The following CTNNB1 variants were observed in gnomAD, a reference collection of about 807,000 sequenced individuals.
CTNNB1 encodes catenin beta 1, also known as catenin beta-1.
In CTNNB1, 6 loss-of-function variants were observed where a neutral mutation model predicts 82.5. That is an observed-to-expected ratio of 0.07 (90% CI 0.04 to 0.14). The LOEUF is 0.14. Ranked by LOEUF, CTNNB1 falls within the 10% of genes least tolerant of loss-of-function variation. The pLI, the probability that CTNNB1 is intolerant of heterozygous loss-of-function variation, is 1.00. For missense variants in CTNNB1, 529 were observed against 980.4 expected (o/e 0.54, Z 6.15); for synonymous variants, 312 against 329.7 (o/e 0.95, Z 0.58).
At chr3:41,230,194 A>G (rs562320809) in intron 7 of CTNNB1, among the ~76,000 whole-genome samples, 1 of 152,334 alleles carries the variant, frequency 6.6e-6, no homozygotes, top group African/African-American at 2.4e-5. Flanking sequence ...GGGATAGACA[A>G]ATGTGGCTGA....
chr3:41,224,484 C>A (rs2125616401), intron 2 of CTNNB1, 42 bp from the exon 3 acceptor site: 1 of 1,528,780 alleles, frequency 6.5e-7, no homozygotes, highest in Non-Finnish European at 9.0e-7. Flanking sequence ...ATTAAAGTAA[C>A]ATTTCCAATC....
At chr3:41,218,438 C>T (rs1433591795) in intron 1 of CTNNB1, among the ~76,000 whole-genome samples, 1 of 152,156 alleles carries the variant, frequency 6.6e-6, no homozygotes, top group African/African-American at 2.4e-5. Flanking sequence ...TTCCCATTTA[C>T]TCTCGTATGT....
In CTNNB1 at chr3:41,225,331, C is replaced by T. The variant is rs1131691585; in HGVS notation, c.496-3C>T. ...ACGATGTTTCTGAATTCCTGTATTA[C>T]AGGTGGTGGTTAATAAGGCTGCAGT... On this transcript the variant is annotated splice_polypyrimidine_tract_variant and splice_region_variant and intron_variant, in intron 4 of 14. Transcript: ENST00000349496. This position sits in a 1 kb window ranked among gnomAD's most constrained non-coding sequence, Gnocchi z 5.3. 3.1e-6 allele frequency: 5 copies of T among 1,614,012 alleles called. No individual in the cohort carries two copies. The highest frequency in any genetic ancestry group is 4.2e-6 in the Non-Finnish European group (5 of 1,179,950).
At chr3:41,209,292 T>C (rs556892858) in intron 1 of CTNNB1, among the ~76,000 whole-genome samples, 66 of 152,330 alleles carry the variant, frequency 4.3e-4, no homozygotes, top group African/African-American at 1.5e-3. Flanking sequence ...GATTTCCAAA[T>C]TGGTATCCTT....
At chr3:41,238,196 T>C in intron 14 of CTNNB1, 120 bp downstream of exon 14, 1 of 852,598 alleles carries the variant, frequency 1.2e-6, no homozygotes, top group Admixed American at 1.8e-5. Flanking sequence ...TGGCTTCAAT[T>C]AAAAGCAGTT....
At position 41,233,402 on chromosome 3, in the gene CTNNB1, T is replaced by C. The variant is rs756193831; in HGVS notation, c.1143T>C (p.Cys381=). ...TDPSQRLVQN[C]LWTLRNLSDA... Reference sequence around the variant, plus strand: ...CAAGTCAACGTCTTGTTCAGAACTGTCTTTGGACTCTCAGGAATCTTTCAG... The same window carrying C: ...CAAGTCAACGTCTTGTTCAGAACTGCCTTTGGACTCTCAGGAATCTTTCAG... Residue 381 remains cysteine, a synonymous_variant, in exon 8 of 15, where the codon TGT becomes TGC. Transcript: ENST00000349496. 12 of 1,614,094 alleles carry C rather than the reference T, an allele frequency of 7.4e-6. 1 individual carries two copies. In the South Asian group the frequency reaches 1.3e-4, roughly 18 times the overall value.
chr3:41,217,048 T>C (rs769682288), intron 1 of CTNNB1, among the ~76,000 whole-genome samples: 7 of 152,236 alleles, frequency 4.6e-5, no homozygotes, highest in Admixed American at 1.3e-4. Flanking sequence ...CAGTACACTT[T>C]GGATTTTATT....
chr3:41,231,389 A>T (rs1460640751), intron 7 of CTNNB1, among the ~76,000 whole-genome samples: 3 of 152,262 alleles, frequency 2.0e-5, no homozygotes, highest in African/African-American at 7.2e-5. Context: ...GTCTGCATAA[A>T]CAGAACTTAG....
At chr3:41,235,467 A>C in intron 10 of CTNNB1, 2 of 529,754 alleles carry the variant, frequency 3.8e-6, no homozygotes, top group Non-Finnish European at 6.8e-6. Flanking sequence ...TACTGTAGGA[A>C]AGTTGTCTTT....
chr3:41,227,448 G>T, intron 7 of CTNNB1, 96 bp downstream of exon 7: 1 of 1,281,104 alleles, frequency 7.8e-7, no homozygotes, highest in Non-Finnish European at 1.1e-6. Context: ...TTTAACTACT[G>T]AAAATAAATG....
intron 1 of CTNNB1, among the ~76,000 whole-genome samples, chr3:41,220,354 G>C (rs2078016240): frequency 6.6e-6 from 1 of 151,818 alleles, no homozygotes; most frequent in African/African-American, 2.4e-5. Context: ...ACTATTCGAG[G>C]ATGACAAGAC....
chr3:41,235,544 T>C, intron 10 of CTNNB1, 180 bp from the exon 11 acceptor site: 1 of 726,748 alleles, frequency 1.4e-6, no homozygotes. Flanking sequence ...TTTGAATTAG[T>C]GCTGCCAGGA....
At chr3:41,215,050 C>G (rs1435965854) in intron 1 of CTNNB1, among the ~76,000 whole-genome samples, 1 of 151,882 alleles carries the variant, frequency 6.6e-6, no homozygotes, top group Non-Finnish European at 1.5e-5. Context: ...ATAAATGAAT[C>G]TTTCGTGGTT....
intron 1 of CTNNB1, among the ~76,000 whole-genome samples, chr3:41,204,614 A>G (rs2077607862): frequency 6.6e-6 from 1 of 152,228 alleles, no homozygotes; most frequent in Non-Finnish European, 1.5e-5. Flanking sequence ...GTGGGAATAT[A>G]GTTTATGTTG....
Position 41,225,413 on chromosome 3 carries a change from C to T in CTNNB1, c.575C>T (p.Pro192Leu), listed in dbSNP as rs2125622652. ...TCCAGACACGCTATCATGCGTTCTC[C>T]TCAGATGGTGTCTGCTATTGTACGT... The part of the protein sequence containing the change: ...EASRHAIMRS[P>L]QMVSAIVRTM... The change falls in exon 5 of 15, where the codon CCT (proline) becomes CTT (leucine). Residue 192 changes from proline (P) to leucine (L), a missense_variant. Pro to Leu is a moderately conservative substitution (Grantham distance 98, BLOSUM62 -3). Transcript: ENST00000349496. The surrounding 1 kb of genome is among the most constrained non-coding windows in gnomAD (Gnocchi z 5.3). 1 of 1,613,904 alleles carries T rather than the reference C, an allele frequency of 6.2e-7. No individual in the cohort carries two copies. The highest frequency in any genetic ancestry group is 8.5e-7 in the Non-Finnish European group (1 of 1,179,954).
In CTNNB1 at chr3:41,227,214, A is replaced by G. The variant is rs1214328620; in HGVS notation, c.943A>G (p.Ile315Val). 1.9e-6 allele frequency: 3 copies of G among 1,610,364 alleles called. No individual in the cohort carries two copies. The African/African-American group carries it at 4.0e-5, about 22-fold the overall frequency. ...TATATATATATCTTTCTAGCTCATCATACTGGCTAGTGGTGGACCCCAAGC... is the reference window on the plus strand; with the variant it reads ...TATATATATATCTTTCTAGCTCATCGTACTGGCTAGTGGTGGACCCCAAGC... Reference protein sequence around the residue: ...AYGNQESKLIILASGGPQALV... With the variant: ...AYGNQESKLIVLASGGPQALV... Residue 315 changes from isoleucine to valine, a missense_variant, in exon 7 of 15, where the codon ATA (isoleucine) becomes GTA (valine). Physicochemically the swap from Ile to Val is conservative, Grantham distance 29. This residue lies in a region of CTNNB1 where 411 missense variants were observed against 776.4 expected (regional missense o/e 0.53). Transcript: ENST00000349496.
At chr3:41,208,627 C>T (rs189097179) in intron 1 of CTNNB1, among the ~76,000 whole-genome samples, 1 of 152,194 alleles carries the variant, frequency 6.6e-6, no homozygotes, top group Non-Finnish European at 1.5e-5. Flanking sequence ...TAATCACTTT[C>T]TCGTATACAC....
At chr3:41,213,073 C>G (rs1379125542) in intron 1 of CTNNB1, among the ~76,000 whole-genome samples, 1 of 152,178 alleles carries the variant, frequency 6.6e-6, no homozygotes, top group Admixed American at 6.5e-5. Context: ...TCATGACTTT[C>G]AGTGTCACGT....
intron 1 of CTNNB1, chr3:41,222,465 A>G (rs1375112576): frequency 1.3e-5 from 2 of 152,352 alleles, no homozygotes; most frequent in East Asian, 1.9e-4. Context: ...GAAGAGCAAG[A>G]TGAATTTTTA....
Sources: gnomAD v4.1 joint callset for allele counts (sites outside exome capture counted in the v4.1 genomes callset) on GRCh38, gnomAD v4.1.1 for gene constraint, gnomAD v4.1.1 regional missense constraint, Gnocchi (gnomAD v3.1) non-coding constraint, MANE v1.5 for transcripts, NCBI Gene and HGNC (gene_info 2026-07-23, HGNC 2026-07-21) for gene names.